PHLDB3: variants seen among roughly 807,000 people sequenced by gnomAD.
The protein encoded by PHLDB3 is pleckstrin homology like domain family B member 3.
Under a neutral mutation model 85.7 loss-of-function variants are expected in PHLDB3, and 86 were observed. That is an observed-to-expected ratio of 1.00 (90% CI 0.84 to 1.20). The LOEUF is 1.20. Ranked by LOEUF, PHLDB3 falls within the 50% of genes most tolerant of loss-of-function variation. The pLI is 0.00. For synonymous variants in PHLDB3, 376 were observed against 349.8 expected, an observed-to-expected ratio of 1.07 and a Z score of -0.83; for missense variants, 995 against 873.0, an observed-to-expected ratio of 1.14 and a Z score of -1.76.
At chr19:43,495,405 T>C (rs1029200477) in intron 7 of PHLDB3, 66 bp from the exon 8 acceptor site, 5 of 1,599,470 alleles carry the variant, frequency 3.1e-6, no homozygotes, top group African/African-American at 1.3e-5. Flanking sequence ...CTTTCCCTAA[T>C]GTCAGGAGAC....
chr19:43,495,765 G>A (rs1285961031), intron 6 of PHLDB3, 145 bp from the exon 7 acceptor site: 12 of 1,184,476 alleles, frequency 1.0e-5, no homozygotes, highest in African/African-American at 6.2e-5. Context: ...GGGACCCAGC[G>A]TTCAGCTCCC....
chr19:43,486,470 G>A, intron 12 of PHLDB3, 139 bp downstream of exon 12: 1 of 1,268,922 alleles, frequency 7.9e-7, no homozygotes, highest in Non-Finnish European at 1.1e-6. Flanking sequence ...TGGGGGCCTG[G>A]ACTCCTGGGT....
intron 6 of PHLDB3, 102 bp from the exon 7 acceptor site, chr19:43,495,722 C>T: frequency 6.8e-7 from 1 of 1,459,994 alleles, no homozygotes; most frequent in African/African-American, 1.4e-5. Flanking sequence ...CCAGCCACTC[C>T]CAGAGACCAT....
rs1375288193 is a variant in PHLDB3, at chr19:43,500,908, TACCC to T, written c.534+822_534+825del. The stretch of plus-strand genomic sequence containing the variant: ...TCCTCCCACTTTGCCCCGCCCCCCG[TACCC>T]CCCCCCCACCCCGCAAGTACTGGGA... On this transcript the variant is annotated intron_variant, in intron 4 of 15. Coordinates refer to ENST00000292140, the MANE Select transcript of PHLDB3 (RefSeq NM_198850.4). Among the ~76,000 whole-genome samples the T allele has an allele frequency of 4.8e-4, 4 of 8,312 alleles. 1 individual carries two copies. Among genetic ancestry groups the T allele is most frequent in the Non-Finnish European group, 5.2e-4 (2 of 3,870 alleles). The allele number at this position is 8,312 out of a possible 152,430, so 5.5% of individuals were successfully genotyped here.
chr19:43,483,093 T>A (rs1455931983), intron 13 of PHLDB3, among the ~76,000 whole-genome samples: 1 of 152,040 alleles, frequency 6.6e-6, no homozygotes, highest in Non-Finnish European at 1.5e-5. Context: ...CTGAAATGAA[T>A]AAGGGAAGGA....
At position 43,501,720 on chromosome 19, in the gene PHLDB3, T is replaced by C; in HGVS notation, c.534+14A>G. On this transcript the variant is annotated intron_variant, in intron 4 of 15. Coordinates refer to ENST00000292140, the MANE Select transcript of PHLDB3 (RefSeq NM_198850.4). ...AAGGACACTGCTGATGAAGACCCGG[T>C]GAGCCAAACAGACCTGTTCCCGCTG... 2 of 1,576,838 alleles carry C rather than the reference T, an allele frequency of 1.3e-6. No individual in the cohort carries two copies. Among genetic ancestry groups the C allele is most frequent in the Middle Eastern group, 1.7e-4 (1 of 6,040 alleles).
Position 43,503,920 on chromosome 19 carries a change from T to C in PHLDB3, c.199A>G (p.Ser67Gly). ...GGGCCCCTCACCGCGTCGCGGCTGC[T>C]CTCAGTGCTGCTGCCTTCTCCCACT... ...EEVGEGSSTE[S>G]SRDAPEATPP... is the part of the protein sequence containing the mutation. The change falls in exon 2 of 16, where the codon AGC (serine) becomes GGC (glycine). Residue 67 changes from serine to glycine, a missense_variant. Coordinates refer to ENST00000292140, the MANE Select transcript of PHLDB3 (RefSeq NM_198850.4). The C allele has an allele frequency of 6.2e-7, 1 of 1,613,880 alleles. No homozygotes were observed. Among genetic ancestry groups the C allele is most frequent in the Non-Finnish European group, 8.5e-7 (1 of 1,179,810 alleles).
chr19:43,504,336 CG>C, intron 1 of PHLDB3: 1 of 598,316 alleles, frequency 1.7e-6, no homozygotes, highest in Non-Finnish European at 2.9e-6. Flanking sequence ...CCACCGGAGA[CG>C]GGACCGGAAT....
chr19:43,485,087 A>T (rs1971124659), intron 13 of PHLDB3, among the ~76,000 whole-genome samples: 2 of 152,182 alleles, frequency 1.3e-5, no homozygotes, highest in Admixed American at 1.3e-4. Context: ...AAATAAAATA[A>T]ATAAAAAGTT....
intron 2 of PHLDB3, among the ~76,000 whole-genome samples, chr19:43,503,210 T>TC (rs1014926417): frequency 2.0e-5 from 3 of 152,044 alleles, no homozygotes; most frequent in African/African-American, 7.2e-5. Flanking sequence ...CTGTCTGGCT[T>TC]CTTGATCTCT....
chr19:43,480,959 G>A (rs532254524), intron 13 of PHLDB3, among the ~76,000 whole-genome samples: 2 of 152,328 alleles, frequency 1.3e-5, no homozygotes, highest in African/African-American at 4.8e-5. Flanking sequence ...CCTGCAAACA[G>A]TGGTATGATT....
intron 13 of PHLDB3, among the ~76,000 whole-genome samples, chr19:43,481,304 G>A (rs2682544): frequency 0.34 from 51,638 of 151,962 alleles, 9,085 homozygotes; most frequent in African/African-American, 0.43. Context: ...GCAACATGGC[G>A]AAACCCCGTC....
chr19:43,494,760 G>A lies in PHLDB3; in HGVS notation c.1091C>T (p.Ala364Val), dbSNP rs1333955391. 1.2e-6 allele frequency: 2 copies of A among 1,613,282 alleles called. No homozygotes were observed. Among genetic ancestry groups the A allele is most frequent in the African/African-American group, 2.7e-5 (2 of 74,926 alleles). The change falls in exon 9 of 16, where the codon GCC (alanine) becomes GTC (valine). Residue 364 changes from alanine to valine, a missense_variant. Physicochemically the swap from Ala to Val is moderately conservative, Grantham distance 64. Transcript: ENST00000292140. Reference protein sequence around the residue: ...RQLLVLQDAVAHSAATPTSSC... With the variant: ...RQLLVLQDAVVHSAATPTSSC... ...AGAAGTAGGGGTGGCAGCGGAGTGG[G>A]CCACGGCATCCTGGAGCACCAGCAG... is the stretch of plus-strand genomic sequence containing the variant.
At chr19:43,480,283 A>T (rs1295679177) in intron 13 of PHLDB3, among the ~76,000 whole-genome samples, 2 of 149,270 alleles carry the variant, frequency 1.3e-5, no homozygotes, top group African/African-American at 4.9e-5. Context: ...AAAAAAAAAA[A>T]AAAAAAAAAG....
chr19:43,491,668 A>ATTT (rs34859142), intron 9 of PHLDB3, among the ~76,000 whole-genome samples: 55 of 139,036 alleles, frequency 4.0e-4, no homozygotes, highest in Non-Finnish European at 4.6e-4. Flanking sequence ...CACCCAGCTA[A>ATTT]TTTTTTTTTT....
intron 4 of PHLDB3, among the ~76,000 whole-genome samples, chr19:43,499,464 C>A (rs893160719): frequency 3.3e-5 from 5 of 151,796 alleles, no homozygotes; most frequent in Admixed American, 3.3e-4. Context: ...GAAGGGGCTG[C>A]GACCGAGATT....
At position 43,495,595 on chromosome 19, in the gene PHLDB3, C is replaced by T. The variant is rs753375435; in HGVS notation, c.851G>A (p.Arg284Gln). 28 of 1,609,844 alleles carry T rather than the reference C, an allele frequency of 1.7e-5. No homozygotes were observed. The highest frequency in any genetic ancestry group is 6.7e-5 in the Admixed American group (4 of 59,392). ...HRRGALQHRI[R>Q]VLEEQLKSLG... The stretch of plus-strand genomic sequence containing the variant: ...TGACTTGAGCTGCTCTTCCAGGACC[C>T]GGATCCGGTGCTGCAGAGCACCCCT... Residue 284 changes from arginine to glutamine, a missense_variant, in exon 7 of 16, where the codon CGG becomes CAG. By Grantham distance (43) the Arg-to-Gln change is conservative. Transcript: ENST00000292140.
At chr19:43,499,500 T>C (rs1971539472) in intron 4 of PHLDB3, among the ~76,000 whole-genome samples, 1 of 151,474 alleles carries the variant, frequency 6.6e-6, no homozygotes, top group African/African-American at 2.4e-5. Flanking sequence ...GAAGGGAGTA[T>C]GAAGTAGCCA....
intron 9 of PHLDB3, among the ~76,000 whole-genome samples, chr19:43,488,836 G>A (rs557151521): frequency 3.3e-5 from 5 of 149,934 alleles, no homozygotes; most frequent in Non-Finnish European, 7.4e-5. Flanking sequence ...GTCTCACTCT[G>A]TTGCCCAGGC....
Sources: allele counts gnomAD v4.1 joint callset (sites outside exome capture counted in the v4.1 genomes callset), GRCh38; gene constraint gnomAD v4.1.1; transcripts MANE v1.5; gene names NCBI Gene and HGNC (gene_info 2026-07-23, HGNC 2026-07-21).